Variants in ZNF717 observed in about 807,000 individuals in gnomAD.
The protein encoded by ZNF717 is krueppel-like factor X17.
A neutral mutation model predicts 13.8 loss-of-function variants in ZNF717; 9 were observed. That is an observed-to-expected ratio of 0.65 (90% CI 0.39 to 1.14). The LOEUF (loss-of-function observed/expected upper bound fraction) is 1.14. ZNF717 is among the 50% of genes most tolerant of loss of function. ZNF717 has a pLI of 0.01. For missense variants in ZNF717, 1,040 were observed against 1,080.7 expected, an observed-to-expected ratio of 0.96 and a Z score of 0.53; for synonymous variants, 327 against 364.1, an observed-to-expected ratio of 0.90 and a Z score of 1.16.
intron 2 of ZNF717, among the ~76,000 whole-genome samples, chr3:75,756,096 C>T (rs767359928): frequency 1.3e-5 from 2 of 152,190 alleles, no homozygotes; most frequent in African/African-American, 4.8e-5. Flanking sequence ...GCTCACTTCA[C>T]GTCTCTGTCA....
chr3:75,720,622 C>T (rs1938149089), intron 4 of ZNF717, among the ~76,000 whole-genome samples: 1 of 152,226 alleles, frequency 6.6e-6, no homozygotes, highest in Non-Finnish European at 1.5e-5. Flanking sequence ...CACATGTACC[C>T]CTGAATCTGA....
Position 75,738,787 on chromosome 3 carries a change from C to T in ZNF717, c.836G>A (p.Gly279Glu), listed in dbSNP as rs2107118784. ...DFTKHQQTHTGEKPYECVECE... is the reference protein window; with the variant it reads ...DFTKHQQTHTEEKPYECVECE... ...TTCAACACATTCATAGGGTTTCTCTCCTGTGTGTGTCTGCTGATGTTTAGT... is the reference window on the plus strand; with the variant it reads ...TTCAACACATTCATAGGGTTTCTCTTCTGTGTGTGTCTGCTGATGTTTAGT... The change falls in exon 5 of 5, where the codon GGA (glycine) becomes GAA (glutamate). Residue 279 changes from glycine (G) to glutamate (E), a missense_variant. By Grantham distance (98) the Gly-to-Glu change is moderately conservative (BLOSUM62 -2). Around this residue, in one of 3 missense-constraint regions of ZNF717, gnomAD observed 873 missense variants for 832.8 expected, o/e 1.05. Transcript: ENST00000652011. 1 of 1,553,126 alleles carries T rather than the reference C, an allele frequency of 6.4e-7. No individual in the cohort carries two copies. Among genetic ancestry groups the T allele is most frequent in the Non-Finnish European group, 8.7e-7 (1 of 1,147,972 alleles).
At chr3:75,732,285 C>T (rs80031092), downstream of ZNF717, among the ~76,000 whole-genome samples, 1 of 152,264 alleles carries the variant, frequency 6.6e-6, no homozygotes, top group African/African-American at 2.4e-5. Flanking sequence ...CCAGCCTACT[C>T]CAGTCATCCC....
downstream of ZNF717, among the ~76,000 whole-genome samples, chr3:75,726,341 G>C (rs17013575): frequency 1.3e-5 from 2 of 152,272 alleles, no homozygotes; most frequent in Non-Finnish European, 2.9e-5. Context: ...TATTTAGTTA[G>C]GACAGGCACA....
chr3:75,722,707 G>T (rs1238951821), intron 4 of ZNF717, among the ~76,000 whole-genome samples: 1 of 147,866 alleles, frequency 6.8e-6, no homozygotes, highest in Non-Finnish European at 1.5e-5. Flanking sequence ...CCAGCTATTT[G>T]GGAGGCGGAG....
At chr3:75,761,629 A>T (rs1943024754) in intron 2 of ZNF717, among the ~76,000 whole-genome samples, 1 of 152,284 alleles carries the variant, frequency 6.6e-6, no homozygotes, top group South Asian at 2.1e-4. Flanking sequence ...AAAAATCCTG[A>T]AATTCCACAA....
chr3:75,760,055 G>C (rs1208351162), intron 2 of ZNF717, among the ~76,000 whole-genome samples: 1 of 152,076 alleles, frequency 6.6e-6, no homozygotes, highest in Non-Finnish European at 1.5e-5. Context: ...TTGAGACGGA[G>C]TCTCACTCTG....
At chr3:75,721,430 C>T (rs111921606) in intron 4 of ZNF717, among the ~76,000 whole-genome samples, 28 of 151,184 alleles carry the variant, frequency 1.9e-4, no homozygotes, top group Non-Finnish European at 3.4e-4. Flanking sequence ...TACAGGCGAG[C>T]GCCAGCACGC....
At chr3:75,748,272 T>A (rs1941361766) in intron 2 of ZNF717, among the ~76,000 whole-genome samples, 1 of 152,182 alleles carries the variant, frequency 6.6e-6, no homozygotes, top group South Asian at 2.1e-4. Flanking sequence ...AAGGATAAGC[T>A]GGTACCATTC....
intron 2 of ZNF717, among the ~76,000 whole-genome samples, chr3:75,767,500 C>T (rs1300755658): frequency 1.3e-5 from 2 of 152,242 alleles, no homozygotes; most frequent in Admixed American, 6.5e-5. Context: ...TGTGCCACAA[C>T]TGTGAGGCTG....
intron 6 of ZNF717, among the ~76,000 whole-genome samples, chr3:75,696,922 G>A (rs1937610314): frequency 3.4e-5 from 5 of 148,266 alleles, no homozygotes; most frequent in African/African-American, 9.8e-5. Flanking sequence ...AAAAAACAAG[G>A]ACAAAATCCA....
downstream of ZNF717, among the ~76,000 whole-genome samples, chr3:75,734,413 G>A (rs796752930): frequency 7.9e-6 from 1 of 126,386 alleles, no homozygotes; most frequent in Non-Finnish European, 1.6e-5. Context: ...AATAAGTGGT[G>A]GTAAAATGGG....
chr3:75,696,933 T>C (rs11720522), intron 6 of ZNF717, among the ~76,000 whole-genome samples: 1 of 109,250 alleles, frequency 9.2e-6, no homozygotes, highest in Non-Finnish European at 2.3e-5. Context: ...ACAAAATCCA[T>C]ATAATCATTT....
chr3:75,742,995 C>A (rs11711776), intron 2 of ZNF717, among the ~76,000 whole-genome samples: 4 of 149,616 alleles, frequency 2.7e-5, no homozygotes, highest in Non-Finnish European at 6.0e-5. Context: ...ACACAGAAAC[C>A]TGATATTGGC....
chr3:75,708,200 C>G (rs1340960641), downstream of ZNF717, among the ~76,000 whole-genome samples: 1 of 150,338 alleles, frequency 6.7e-6, no homozygotes, highest in Non-Finnish European at 1.5e-5. Context: ...AGGCACCCCC[C>G]AGTAGGGGCA....
downstream of ZNF717, among the ~76,000 whole-genome samples, chr3:75,734,131 A>G (rs1364011742): frequency 2.0e-5 from 3 of 150,958 alleles, no homozygotes; most frequent in East Asian, 6.0e-4. Context: ...GTGCAGTGGC[A>G]CATTCTCGGC....
exon 6 of ZNF717, chr3:75,711,242 T>C (rs1344795942): frequency 5.9e-5 from 9 of 152,360 alleles, no homozygotes; most frequent in African/African-American, 2.2e-4. Flanking sequence ...AATGCTTCCA[T>C]CTTTGTTCAA....
Position 75,737,244 on chromosome 3 carries a change from T to C in ZNF717, c.2379A>G (p.Lys793=), listed in dbSNP as rs1386074832. Residue 793 remains lysine (K), a synonymous_variant, in exon 5 of 5, where the codon AAA becomes AAG. Transcript: ENST00000652011. ...TGAGAACTGTCTTATCGTAAAAAGT[T>C]TTCCTACATTCATCACATTCATAGG... ...EKPYECDECR[K]TFYDKTVLTI... 4.5e-6 allele frequency: 7 copies of C among 1,552,850 alleles called. No homozygotes were observed. Among genetic ancestry groups the C allele is most frequent in the Middle Eastern group, 3.3e-4 (2 of 6,016 alleles).
intron 4 of ZNF717, among the ~76,000 whole-genome samples, chr3:75,719,828 C>T (rs1462104515): frequency 2.6e-5 from 4 of 151,964 alleles, no homozygotes; most frequent in African/African-American, 7.2e-5. Context: ...CATGGTGGTG[C>T]ATGTCTGTAA....
Sources: allele counts gnomAD v4.1 joint callset (sites outside exome capture counted in the v4.1 genomes callset), GRCh38; gene constraint gnomAD v4.1.1; regional missense constraint gnomAD v4.1.1; transcripts MANE v1.5; gene names NCBI Gene and HGNC (gene_info 2026-07-23, HGNC 2026-07-21).